ACVR2A: variants seen among roughly 807,000 people sequenced by gnomAD.
ACVR2A encodes activin receptor type-2A.
ACVR2A carries 7 observed loss-of-function variants against 61.4 expected under a neutral mutation model. The ratio of observed to expected loss-of-function variants is 0.11; its 90% confidence interval spans 0.06 to 0.21. The LOEUF (loss-of-function observed/expected upper bound fraction) is 0.21, where lower values mean the gene tolerates loss of function less well. Among genes scored for constraint, ACVR2A ranks in the 10% least tolerant of loss-of-function variants. ACVR2A has a pLI of 1.00. For synonymous variants in ACVR2A, 193 were observed against 208.3 expected (o/e 0.93, Z 0.63); for missense variants, 322 against 621.7 (o/e 0.52, Z 5.13).
chr2:147,925,800 T>C (rs1183930638), intron 9 of ACVR2A: 1 of 429,608 alleles, frequency 2.3e-6, no homozygotes, highest in East Asian at 3.7e-5. Context: ...GAAAGCCCCT[T>C]ATGCAATCTT....
intron 4 of ACVR2A, among the ~76,000 whole-genome samples, chr2:147,906,184 C>CT (rs528490290): frequency 6.0e-5 from 9 of 149,486 alleles, no homozygotes; most frequent in South Asian, 2.1e-4. Context: ...GCTGTCAAAT[C>CT]TTTTTTTTTT....
At chr2:147,901,962 T>G (rs1044515359) in intron 4 of ACVR2A, among the ~76,000 whole-genome samples, 2 of 152,040 alleles carry the variant, frequency 1.3e-5, no homozygotes, top group Non-Finnish European at 2.9e-5. Flanking sequence ...TATCTTCTAT[T>G]TCAAAATAAT....
chr2:147,849,723 G>A, intron 1 of ACVR2A, among the ~76,000 whole-genome samples: 1 of 152,110 alleles, frequency 6.6e-6, no homozygotes, highest in African/African-American at 2.4e-5. Context: ...GGAAAATTCT[G>A]AAGTCATTCC....
chr2:147,846,907 C>T (rs1158133815), intron 1 of ACVR2A, among the ~76,000 whole-genome samples: 1 of 152,080 alleles, frequency 6.6e-6, no homozygotes, highest in Non-Finnish European at 1.5e-5. Flanking sequence ...GGACATTATT[C>T]CCTCTCAAAC....
intron 6 of ACVR2A, 25 bp downstream of exon 6, chr2:147,917,451 T>C (rs184364078): frequency 2.5e-6 from 4 of 1,608,432 alleles, no homozygotes; most frequent in Non-Finnish European, 2.5e-6. Flanking sequence ...CGTTTTACTT[T>C]AGTAAAGTCT....
intron 1 of ACVR2A, among the ~76,000 whole-genome samples, chr2:147,876,983 T>G (rs1399653819): frequency 1.3e-5 from 2 of 152,140 alleles, no homozygotes; most frequent in African/African-American, 4.8e-5. Flanking sequence ...AAGGGATAAC[T>G]GGTAGCCTTA....
At position 147,928,139 on chromosome 2, in the gene ACVR2A, C is replaced by T. The variant is rs1687550307; in HGVS notation, c.*865C>T. Reference sequence around the variant, plus strand: ...TAAAGCCCCATCTTATATCCAGTTCCCAAAATTTGCATACTTACCTAAGTA... The same window carrying T: ...TAAAGCCCCATCTTATATCCAGTTCTCAAAATTTGCATACTTACCTAAGTA... On this transcript the variant is annotated 3_prime_UTR_variant, in exon 11 of 11. Transcript: ENST00000241416. The T allele has an allele frequency of 6.6e-6, 1 of 152,192 alleles. No individual in the cohort carries two copies. The highest frequency in any genetic ancestry group is 6.6e-5 in the Admixed American group (1 of 15,158). 9.4% of individuals were successfully genotyped at this position (152,192 alleles called of 1,614,324 possible).
chr2:147,906,894 A>G (rs1308920951), intron 4 of ACVR2A, among the ~76,000 whole-genome samples: 2 of 143,960 alleles, frequency 1.4e-5, no homozygotes, highest in African/African-American at 5.2e-5. Context: ...ACATAGGTAT[A>G]TCTGTGCCAT....
chr2:147,862,773 C>T (rs1295041476), intron 1 of ACVR2A, among the ~76,000 whole-genome samples: 1 of 151,946 alleles, frequency 6.6e-6, no homozygotes, highest in East Asian at 1.9e-4. Flanking sequence ...TTCTAACAGT[C>T]CATTGCTAGA....
intron 5 of ACVR2A, 123 bp from the exon 6 acceptor site, chr2:147,917,160 A>C (rs944700184): frequency 1.2e-5 from 13 of 1,089,512 alleles, no homozygotes; most frequent in African/African-American, 1.7e-5. Flanking sequence ...CAGAACAAAA[A>C]ATTTTTTAAG....
intron 2 of ACVR2A, among the ~76,000 whole-genome samples, chr2:147,898,974 C>A (rs865874359): frequency 5.9e-5 from 9 of 151,992 alleles, no homozygotes; most frequent in South Asian, 2.1e-4. Flanking sequence ...CCATGAGATA[C>A]GAGCTTTTAT....
intron 4 of ACVR2A, among the ~76,000 whole-genome samples, chr2:147,909,898 C>T (rs1469984936): frequency 6.6e-6 from 1 of 152,098 alleles, no homozygotes; most frequent in South Asian, 2.1e-4. Context: ...GCCTTGGCCT[C>T]CCAAAATGCA....
At chr2:147,903,809 A>G (rs552562107) in intron 4 of ACVR2A, among the ~76,000 whole-genome samples, 2 of 152,110 alleles carry the variant, frequency 1.3e-5, no homozygotes, top group Admixed American at 6.6e-5. Context: ...TTCTCCCACT[A>G]GATTGTAAGC....
chr2:147,928,184 G>T lies in ACVR2A; in HGVS notation c.*910G>T, dbSNP rs562871051. The T allele has an allele frequency of 2.0e-5, 3 of 152,194 alleles. No homozygotes were observed. The highest frequency in any genetic ancestry group is 4.4e-5 in the Non-Finnish European group (3 of 67,892). The allele number at this position is 152,194 out of a possible 1,614,324, so 9.4% of individuals were successfully genotyped here. Reference sequence around the variant, plus strand: ...TAAGTATTTTTTTTAGGTGTGCTGTGTTTGGGGAATATTTGAAAATTTAAA... The same window carrying T: ...TAAGTATTTTTTTTAGGTGTGCTGTTTTTGGGGAATATTTGAAAATTTAAA... On this transcript the variant is annotated 3_prime_UTR_variant, in exon 11 of 11. Coordinates refer to ENST00000241416, the MANE Select transcript of ACVR2A (RefSeq NM_001616.5).
At chr2:147,925,775 T>G in intron 9 of ACVR2A, 1 of 373,756 alleles carries the variant, frequency 2.7e-6, no homozygotes, top group Non-Finnish European at 4.8e-6. Context: ...ATAGGCATCC[T>G]TTATACCTAG....
intron 1 of ACVR2A, among the ~76,000 whole-genome samples, chr2:147,871,075 G>T (rs1686001514): frequency 1.3e-5 from 2 of 151,944 alleles, no homozygotes; most frequent in South Asian, 4.2e-4. Flanking sequence ...ATTTCTTTTG[G>T]TGTGTTTCCA....
chr2:147,924,627 A>G (rs1361484993), intron 9 of ACVR2A, among the ~76,000 whole-genome samples: 1 of 151,954 alleles, frequency 6.6e-6, no homozygotes, highest in Admixed American at 6.6e-5. Context: ...TCAGAACCCA[A>G]TTGTTAAGTC....
chr2:147,927,026 T>C, intron 10 of ACVR2A, 54 bp from the exon 11 acceptor site: 1 of 1,544,186 alleles, frequency 6.5e-7, no homozygotes, highest in Non-Finnish European at 8.8e-7. Flanking sequence ...TATTGTTTCC[T>C]AATAGAAAAC....
At position 147,896,376 on chromosome 2, in the gene ACVR2A, A is replaced by G; in HGVS notation, c.131A>G (p.Gln44Arg). 6.2e-7 allele frequency: 1 copy of G among 1,614,026 alleles called. No homozygotes were observed. The highest frequency in any genetic ancestry group is 8.5e-7 in the Non-Finnish European group (1 of 1,179,938). Reference sequence around the variant, plus strand: ...AATTGGGAAAAAGACAGAACCAATCAAACTGGTGTTGAACCGTGTTATGGT... The same window carrying G: ...AATTGGGAAAAAGACAGAACCAATCGAACTGGTGTTGAACCGTGTTATGGT... Reference protein sequence around the residue: ...NANWEKDRTNQTGVEPCYGDK... With the variant: ...NANWEKDRTNRTGVEPCYGDK... Residue 44 changes from glutamine (Q) to arginine (R), a missense_variant, in exon 2 of 11, where the codon CAA becomes CGA. Physicochemically the swap from Gln to Arg is conservative, Grantham distance 43. Around this residue, in one of 3 missense-constraint regions of ACVR2A, gnomAD observed 142 missense variants for 200.3 expected, o/e 0.71. Coordinates refer to ENST00000241416, the MANE Select transcript of ACVR2A (RefSeq NM_001616.5).
Sources: allele counts gnomAD v4.1 joint callset (sites outside exome capture counted in the v4.1 genomes callset), GRCh38; gene constraint gnomAD v4.1.1; regional missense constraint gnomAD v4.1.1; transcripts MANE v1.5; gene names NCBI Gene and HGNC (gene_info 2026-07-23, HGNC 2026-07-21).